Variants in ITPR2 observed in about 807,000 individuals in gnomAD.
ITPR2 encodes inositol 1,4,5-trisphosphate-gated calcium channel ITPR2.
In ITPR2, 207 loss-of-function variants were observed where a neutral mutation model predicts 317.1. The observed-to-expected ratio is 0.65, with a 90% CI of 0.58 to 0.73. ITPR2 has a LOEUF of 0.73. Ranked by LOEUF, ITPR2 falls within the 30% of genes least tolerant of loss-of-function variation. ITPR2 has a pLI of 0.00. For missense variants in ITPR2, 2,613 were observed against 3,284.0 expected, an observed-to-expected ratio of 0.80 and a Z score of 4.99; for synonymous variants, 1,156 against 1,149.1, an observed-to-expected ratio of 1.01 and a Z score of -0.12.
rs145241761 is a variant in ITPR2 at position 26,703,617 on chromosome 12, G to A, written c.951+7556C>T. ...AAAAATGTCTCTAGACATTGCCATC[G>A]TTACCCTCAGTTGAAAGCATTCATT... On this transcript the variant is annotated intron_variant, in intron 9 of 56. Transcript: ENST00000381340. Among the ~76,000 whole-genome samples, 214 of 152,232 alleles carry A rather than the reference G, an allele frequency of 1.4e-3. 3 individuals carry two copies. The highest frequency in any genetic ancestry group is 5.0e-3 in the African/African-American group (206 of 41,534).
chr12:26,537,864 T>A (rs2136974619), intron 37 of ITPR2, among the ~76,000 whole-genome samples: 1 of 152,352 alleles, frequency 6.6e-6, no homozygotes, highest in South Asian at 2.1e-4. Flanking sequence ...TGTTTTGTTT[T>A]AAGCAACTAA....
chr12:26,750,491 C>A (rs73294397), intron 2 of ITPR2, among the ~76,000 whole-genome samples: 2 of 152,192 alleles, frequency 1.3e-5, no homozygotes, highest in Admixed American at 6.5e-5. Flanking sequence ...ATCTGCCCCC[C>A]AAACAGGTCG....
intron 52 of ITPR2, among the ~76,000 whole-genome samples, chr12:26,409,482 A>G (rs1048339344): frequency 2.0e-5 from 3 of 152,196 alleles, no homozygotes; most frequent in South Asian, 2.1e-4. Flanking sequence ...TTGCTGTCCT[A>G]TGCATTTCTG....
intron 26 of ITPR2, among the ~76,000 whole-genome samples, chr12:26,608,920 T>C (rs7305685): frequency 0.083 from 12,607 of 152,164 alleles, 569 homozygotes; most frequent in Middle Eastern, 0.14. Flanking sequence ...TGGGGAACCT[T>C]TTGGTCAACA....
At chr12:26,696,264 T>C (rs1948348639) in intron 9 of ITPR2, among the ~76,000 whole-genome samples, 1 of 152,178 alleles carries the variant, frequency 6.6e-6, no homozygotes, top group Non-Finnish European at 1.5e-5. Context: ...CCATGACTCC[T>C]CACTCCCACT....
rs566603252 is a variant in ITPR2 at position 26,504,679 on chromosome 12, T to C, written c.5074-9419A>G. Among the ~76,000 whole-genome samples, 15 of 152,320 alleles carry C rather than the reference T, an allele frequency of 9.8e-5. No homozygotes were observed. In the South Asian group the frequency reaches 2.3e-3, roughly 23 times the overall value. ...CTACTTTGGAAATCACATCAATGTA[T>C]GCTCTCAGCCACCAATTTCACTCCC... On this transcript the variant is annotated intron_variant, in intron 37 of 56. Transcript: ENST00000381340.
At chr12:26,756,021 C>T (rs1401358150) in intron 2 of ITPR2, among the ~76,000 whole-genome samples, 1 of 152,136 alleles carries the variant, frequency 6.6e-6, no homozygotes, top group Non-Finnish European at 1.5e-5. Context: ...TTCTATGGAA[C>T]AGAGTTCCAT....
At chr12:26,383,553 G>A (rs536544723) in intron 55 of ITPR2, among the ~76,000 whole-genome samples, 10 of 151,910 alleles carry the variant, frequency 6.6e-5, no homozygotes, top group South Asian at 2.1e-4. Context: ...GCGTGATCTC[G>A]GCTTACTACA....
At chr12:26,773,497 A>G (rs1949907300) in intron 2 of ITPR2, among the ~76,000 whole-genome samples, 1 of 152,156 alleles carries the variant, frequency 6.6e-6, no homozygotes, top group South Asian at 2.1e-4. Flanking sequence ...CCACTATACC[A>G]CATGCACCAC....
chr12:26,412,926 G>A (rs1940596434), intron 51 of ITPR2, among the ~76,000 whole-genome samples: 1 of 152,188 alleles, frequency 6.6e-6, no homozygotes, highest in Admixed American at 6.5e-5. Flanking sequence ...GAGAGCTATG[G>A]TTGGAATGAG....
intron 2 of ITPR2, among the ~76,000 whole-genome samples, chr12:26,756,206 C>G (rs148129831): frequency 3.3e-3 from 499 of 152,190 alleles, no homozygotes; most frequent in Non-Finnish European, 5.6e-3. Flanking sequence ...TATGGTACAT[C>G]TGTTATTAGA....
intron 13 of ITPR2, among the ~76,000 whole-genome samples, chr12:26,678,033 A>G (rs921263476): frequency 3.0e-4 from 45 of 152,200 alleles, no homozygotes; most frequent in African/African-American, 1.1e-3. Flanking sequence ...CACTACATAT[A>G]GCCATGCTGC....
At chr12:26,589,465 C>G (rs973768498) in intron 32 of ITPR2, among the ~76,000 whole-genome samples, 1 of 151,888 alleles carries the variant, frequency 6.6e-6, no homozygotes, top group Non-Finnish European at 1.5e-5. Context: ...AATTTCATTA[C>G]TATTAGTAAT....
chr12:26,732,100 C>T (rs1399378294), intron 2 of ITPR2, among the ~76,000 whole-genome samples: 3 of 152,166 alleles, frequency 2.0e-5, no homozygotes, highest in Non-Finnish European at 4.4e-5. Context: ...TATGAAGGCT[C>T]AGGGAAATGT....
intron 33 of ITPR2, 150 bp from the exon 34 acceptor site, chr12:26,578,983 A>C: frequency 1.4e-6 from 1 of 700,746 alleles, no homozygotes; most frequent in African/African-American, 1.8e-5. Flanking sequence ...CTCATTCATG[A>C]AACATTTATT....
chr12:26,479,442 T>G (rs1250817759), intron 43 of ITPR2, among the ~76,000 whole-genome samples: 5 of 152,150 alleles, frequency 3.3e-5, no homozygotes, highest in Non-Finnish European at 5.9e-5. Context: ...TCCATTAAGT[T>G]TAATTAATTA....
intron 45 of ITPR2, among the ~76,000 whole-genome samples, chr12:26,466,288 T>A (rs920928414): frequency 1.3e-5 from 2 of 152,224 alleles, no homozygotes; most frequent in African/African-American, 4.8e-5. Flanking sequence ...TACTATATCC[T>A]TGCATAAACT....
rs1461149407 is a variant in ITPR2 at position 26,790,582 on chromosome 12, T to C, written c.93-355A>G. On this transcript the variant is annotated intron_variant, in intron 1 of 56. Transcript: ENST00000381340. ...GTAACCAATCAATAAGATACATATA[T>C]GCTTACACACACACACACACACACA... Among the ~76,000 whole-genome samples the C allele has an allele frequency of 5.3e-5, 4 of 76,064 alleles. No homozygotes were observed. The South Asian group carries it at 1.5e-3, about 28-fold the overall frequency. The allele number at this position is 76,064 out of a possible 152,430, so 49.9% of individuals were successfully genotyped here. A position where few individuals can be genotyped will look rare whatever the true frequency, so the allele number is the denominator to read the frequency against.
At chr12:26,719,628 G>A (rs1024427492) in intron 5 of ITPR2, among the ~76,000 whole-genome samples, 6 of 152,106 alleles carry the variant, frequency 3.9e-5, no homozygotes, top group Admixed American at 2.6e-4. Context: ...TACACTTTAA[G>A]TTTTAGGGTA....
Sources: allele counts gnomAD v4.1 joint callset (sites outside exome capture counted in the v4.1 genomes callset), GRCh38; gene constraint gnomAD v4.1.1; transcripts MANE v1.5; gene names NCBI Gene and HGNC (gene_info 2026-07-23, HGNC 2026-07-21).